The following POU6F2 variants were observed in gnomAD, a reference collection of about 807,000 sequenced individuals.
POU6F2 encodes the protein POU domain, class 6, transcription factor 2.
Under a neutral mutation model 71.3 loss-of-function variants are expected in POU6F2, and 31 were observed. The observed-to-expected ratio is 0.43, with a 90% confidence interval of 0.33 to 0.59. The LOEUF (loss-of-function observed/expected upper bound fraction) is 0.59, where lower values mean the gene tolerates loss of function less well. Ranked by LOEUF, POU6F2 falls within the 20% of genes least tolerant of loss-of-function variation. The pLI is 0.04. For synonymous variants in POU6F2, 347 were observed against 355.7 expected, an observed-to-expected ratio of 0.98 and a Z score of 0.27; for missense variants, 783 against 856.8, an observed-to-expected ratio of 0.91 and a Z score of 1.07.
chr7:39,203,701 G>A (rs185176595), intron 2 of POU6F2, among the ~76,000 whole-genome samples: 3,470 of 152,258 alleles, frequency 0.023, 65 homozygotes, highest in Middle Eastern at 0.031. Context: ...CACTTGCTTG[G>A]GGAGAGCCAT....
At chr7:39,078,897 G>A (rs549416681) in intron 1 of POU6F2, among the ~76,000 whole-genome samples, 2 of 152,186 alleles carry the variant, frequency 1.3e-5, no homozygotes, top group South Asian at 4.1e-4. Flanking sequence ...CCAGCCTGGC[G>A]ACAGAGCAAG....
chr7:39,015,760 G>A (rs1322793037), intron 1 of POU6F2, among the ~76,000 whole-genome samples: 1 of 81,254 alleles, frequency 1.2e-5, no homozygotes, highest in African/African-American at 5.5e-5. Context: ...ATTATATATA[G>A]ATATATTATA....
At chr7:39,262,569 T>C (rs1312538305) in intron 4 of POU6F2, among the ~76,000 whole-genome samples, 2 of 152,214 alleles carry the variant, frequency 1.3e-5, no homozygotes, top group Non-Finnish European at 2.9e-5. Context: ...TATAAATGAC[T>C]AGGGTTTTTT....
At chr7:39,384,665 T>C (rs1297692791) in intron 5 of POU6F2, among the ~76,000 whole-genome samples, 2 of 152,198 alleles carry the variant, frequency 1.3e-5, no homozygotes, top group Non-Finnish European at 2.9e-5. Context: ...GCTGGCTTCC[T>C]CTCATTTCTA....
chr7:39,386,640 T>C (rs574953352), intron 5 of POU6F2, among the ~76,000 whole-genome samples: 1 of 152,360 alleles, frequency 6.6e-6, no homozygotes, highest in South Asian at 2.1e-4. Flanking sequence ...ACCTTATCTC[T>C]ATAATATTAG....
chr7:39,420,653 TGAGTTATGG>T (rs1787830094), intron 6 of POU6F2, among the ~76,000 whole-genome samples: 5 of 152,218 alleles, frequency 3.3e-5, no homozygotes, highest in Non-Finnish European at 5.9e-5. Flanking sequence ...TTTTAAATTC[TGAGTTATGG>T]ATTAAGTTAA....
chr7:39,458,473 G>A (rs1274987845), intron 8 of POU6F2, among the ~76,000 whole-genome samples: 1 of 151,974 alleles, frequency 6.6e-6, no homozygotes, highest in Non-Finnish European at 1.5e-5. Context: ...TCTTTCACGG[G>A]GAAAGGAAAA....
rs1351259596 is a variant in POU6F2, at chr7:39,012,812, G to A, written c.105+34754G>A. Reference sequence around the variant, plus strand: ...TGAGGTGTCAGTGTGCCCCTGCTGGGGGGTGCCTCCCAGTTAGGCTGCTCA... The same window carrying A: ...TGAGGTGTCAGTGTGCCCCTGCTGGAGGGTGCCTCCCAGTTAGGCTGCTCA... On this transcript the variant is annotated intron_variant, in intron 1 of 9. Transcript: ENST00000518318. Among the ~76,000 whole-genome samples, 43 of 151,672 alleles carry A rather than the reference G, an allele frequency of 2.8e-4. No individual in the cohort carries two copies. The South Asian group carries it at 4.4e-3, about 15-fold the overall frequency.
At chr7:39,140,959 C>G (rs1792486296) in intron 2 of POU6F2, among the ~76,000 whole-genome samples, 1 of 152,104 alleles carries the variant, frequency 6.6e-6, no homozygotes, top group Non-Finnish European at 1.5e-5. Context: ...GGGCCCATGC[C>G]TACAAGTAGG....
chr7:39,120,732 G>A (rs1792023796), intron 2 of POU6F2: 1 of 152,070 alleles, frequency 6.6e-6, no homozygotes, highest in African/African-American at 2.4e-5. Context: ...GAATATTCTG[G>A]AATGAATAGA....
At chr7:39,325,376 GA>G (rs1405222545) in intron 4 of POU6F2, among the ~76,000 whole-genome samples, 2 of 152,172 alleles carry the variant, frequency 1.3e-5, no homozygotes, top group South Asian at 4.1e-4. Flanking sequence ...GTAAGATCTG[GA>G]AACCCTTTTT....
intron 6 of POU6F2, among the ~76,000 whole-genome samples, chr7:39,412,747 A>G (rs542552874): frequency 1.8e-4 from 14 of 75,830 alleles, no homozygotes; most frequent in South Asian, 1.5e-3. Flanking sequence ...GATATTAACA[A>G]TTTTTTCCGT....
chr7:39,339,096 A>G (rs1583536209), intron 4 of POU6F2, among the ~76,000 whole-genome samples: 1 of 152,042 alleles, frequency 6.6e-6, no homozygotes, highest in East Asian at 1.9e-4. Flanking sequence ...AAAAAAAAAA[A>G]ACAGTTAGAA....
chr7:39,175,502 G>A (rs1030417854), intron 2 of POU6F2, among the ~76,000 whole-genome samples: 1 of 152,158 alleles, frequency 6.6e-6, no homozygotes, highest in Non-Finnish European at 1.5e-5. Flanking sequence ...CTTAGGCACA[G>A]CAAGCACAGT....
At chr7:39,149,902 T>C (rs1307813314) in intron 2 of POU6F2, among the ~76,000 whole-genome samples, 2 of 133,144 alleles carry the variant, frequency 1.5e-5, no homozygotes, top group African/African-American at 2.9e-5. Context: ...TTTTTTTTTC[T>C]TGAGACGGAG....
intron 4 of POU6F2, among the ~76,000 whole-genome samples, chr7:39,306,210 ATAAAG>A (rs1785045686): frequency 6.6e-6 from 1 of 152,254 alleles, no homozygotes; most frequent in African/African-American, 2.4e-5. Context: ...ATTGTTGAAA[ATAAAG>A]TCACGCTTGC....
chr7:39,132,527 C>A (rs763834347), intron 2 of POU6F2: 2 of 152,254 alleles, frequency 1.3e-5, no homozygotes, highest in Non-Finnish European at 2.9e-5. Flanking sequence ...ACAAAGTCAG[C>A]ACTCAGCATT....
intron 1 of POU6F2, among the ~76,000 whole-genome samples, chr7:39,079,852 C>T (rs1791079982): frequency 6.6e-6 from 1 of 152,092 alleles, no homozygotes; most frequent in Non-Finnish European, 1.5e-5. Flanking sequence ...CATGTATACG[C>T]TTTATAGTGA....
At chr7:39,044,058 G>T (rs1790244281) in intron 1 of POU6F2, among the ~76,000 whole-genome samples, 1 of 151,854 alleles carries the variant, frequency 6.6e-6, no homozygotes, top group Non-Finnish European at 1.5e-5. Flanking sequence ...CAGATGCATT[G>T]AAGTAGAATC....
Sources: allele counts gnomAD v4.1 joint callset (sites outside exome capture counted in the v4.1 genomes callset), GRCh38; gene constraint gnomAD v4.1.1; transcripts MANE v1.5; gene names NCBI Gene and HGNC (gene_info 2026-07-23, HGNC 2026-07-21).